The following RFXAP variants were observed in gnomAD, a reference collection of about 807,000 sequenced individuals.
RFXAP encodes regulatory factor X associated protein.
RFXAP carries 21 observed loss-of-function variants against 25.7 expected under a neutral mutation model. The observed-to-expected ratio is 0.82, with a 90% CI of 0.58 to 1.18. The LOEUF is 1.18. Ranked by LOEUF, RFXAP falls within the 50% of genes most tolerant of loss-of-function variation. The pLI, the probability that RFXAP is intolerant of heterozygous loss-of-function variation, is 0.00. For synonymous variants in RFXAP, 161 were observed against 152.2 expected (o/e 1.06, Z -0.43); for missense variants, 333 against 363.0 (o/e 0.92, Z 0.67).
rs2057984914 is a variant in RFXAP, at chr13:36,828,303, T to TTGGGTTCTC, written c.*550_*551insTGGGTTCTC. The TTGGGTTCTC allele has an allele frequency of 6.5e-6, 1 of 153,070 alleles. No homozygotes were observed. The highest frequency in any genetic ancestry group is 1.5e-5 in the Non-Finnish European group (1 of 68,758). 9.5% of individuals were successfully genotyped at this position (153,070 alleles called of 1,614,324 possible). A position where few individuals can be genotyped will look rare whatever the true frequency, so the allele number is the denominator to read the frequency against. The stretch of plus-strand genomic sequence containing the variant: ...TGCTAACATGTAGTTGGGGCACCTA[T>TTGGGTTCTC]AATTGGGTTCTCTTAATAACCTTTC... On this transcript the variant is annotated 3_prime_UTR_variant, in exon 3 of 3. Transcript: ENST00000255476.
chr13:36,827,889 T>G lies in RFXAP; in HGVS notation c.*136T>G. The G allele has an allele frequency of 1.4e-6, 1 of 715,406 alleles. No homozygotes were observed. The highest frequency in any genetic ancestry group is 2.4e-6 in the Non-Finnish European group (1 of 411,068). The allele number at this position is 715,406 out of a possible 1,614,324, so 44.3% of individuals were successfully genotyped here. ...TTTTCCTGTAAATGTATGTGTGCAT[T>G]TGGGGATAAGTAAGTATTGCACTTT... is the stretch of plus-strand genomic sequence containing the variant. On this transcript the variant is annotated 3_prime_UTR_variant, in exon 3 of 3. Coordinates refer to ENST00000255476, the MANE Select transcript of RFXAP (RefSeq NM_000538.4).
At position 36,828,624 on chromosome 13, in the gene RFXAP, T is replaced by A. The variant is rs185972673; in HGVS notation, c.*871T>A. ...AAGACAAAATTATTTTTCTTATACTTATTTTTTATTAAACAAAATGAAAAA... is the reference window on the plus strand; with the variant it reads ...AAGACAAAATTATTTTTCTTATACTAATTTTTTATTAAACAAAATGAAAAA... On this transcript the variant is annotated 3_prime_UTR_variant, in exon 3 of 3. Coordinates refer to ENST00000255476, the MANE Select transcript of RFXAP (RefSeq NM_000538.4). 4.9e-4 allele frequency: 74 copies of A among 152,338 alleles called. No homozygotes were observed. The highest frequency in any genetic ancestry group is 1.7e-3 in the African/African-American group (71 of 41,580). 9.4% of individuals were successfully genotyped at this position (152,338 alleles called of 1,614,324 possible). A position where few individuals can be genotyped will look rare whatever the true frequency, so the allele number is the denominator to read the frequency against.
intron 1 of RFXAP, among the ~76,000 whole-genome samples, chr13:36,824,328 T>C (rs2057971714): frequency 6.6e-6 from 1 of 152,170 alleles, no homozygotes; most frequent in South Asian, 2.1e-4. Context: ...CTCTGGGTAT[T>C]AGAATTTTCT....
At position 36,819,857 on chromosome 13, in the gene RFXAP, A is replaced by C; in HGVS notation, c.500A>C (p.Asn167Thr). 6.2e-7 allele frequency: 1 copy of C among 1,610,264 alleles called. No individual in the cohort carries two copies. The highest frequency in any genetic ancestry group is 8.5e-7 in the Non-Finnish European group (1 of 1,178,160). ...CCGTGGATGTGCAAGAAACACCGCA[A>C]CAAGATGTACAAGGACAAGTATAAA... The part of the protein sequence containing the change: ...RKPWMCKKHR[N>T]KMYKDKYKKK... Residue 167 changes from asparagine to threonine, a missense_variant, in exon 1 of 3, where the codon AAC becomes ACC. Physicochemically the swap from Asn to Thr is moderately conservative, Grantham distance 65. Coordinates refer to ENST00000255476, the MANE Select transcript of RFXAP (RefSeq NM_000538.4).
Position 36,819,536 on chromosome 13 carries a change from C to T in RFXAP, c.179C>T (p.Ala60Val), listed in dbSNP as rs754539841. 1.1e-5 allele frequency: 17 copies of T among 1,522,920 alleles called. No homozygotes were observed. In the South Asian group the frequency reaches 2.0e-4, roughly 18 times the overall value. The allele number at this position is 1,522,920 out of a possible 1,614,324, so 94.3% of individuals were successfully genotyped here. A position where few individuals can be genotyped will look rare whatever the true frequency, so the allele number is the denominator to read the frequency against. ...QPCAGQDEAA[A>V]PGGSVGAGKP... ...TGTGCTGGGCAGGACGAGGCTGCGG[C>T]CCCCGGGGGCAGCGTTGGGGCGGGC... The change falls in exon 1 of 3, where the codon GCC (alanine) becomes GTC (valine). Residue 60 changes from alanine (A) to valine (V), a missense_variant. Transcript: ENST00000255476.
Position 36,828,702 on chromosome 13 carries a change from G to A in RFXAP, c.*949G>A, listed in dbSNP as rs1229148403. The A allele has an allele frequency of 6.6e-6, 1 of 152,096 alleles. No homozygotes were observed. Among genetic ancestry groups the A allele is most frequent in the East Asian group, 1.9e-4 (1 of 5,200 alleles). The allele number at this position is 152,096 out of a possible 1,614,324, so 9.4% of individuals were successfully genotyped here. ...AATAAAACTAACACTCCAGTATTTTGTCATTGTTTTTCGCAATTGAGCTAT... is the reference window on the plus strand; with the variant it reads ...AATAAAACTAACACTCCAGTATTTTATCATTGTTTTTCGCAATTGAGCTAT... On this transcript the variant is annotated 3_prime_UTR_variant, in exon 3 of 3. Transcript: ENST00000255476.
In RFXAP at chr13:36,819,577, C is replaced by T; in HGVS notation, c.220C>T (p.Leu74=). The change falls in exon 1 of 3, where the codon CTG becomes TTG. Residue 74 remains leucine (L), a synonymous_variant. Coordinates refer to ENST00000255476, the MANE Select transcript of RFXAP (RefSeq NM_000538.4). ...SVGAGKPVRY[L]CEGAGDGEEE... The stretch of plus-strand genomic sequence containing the variant: ...TGGGGCGGGCAAGCCCGTTAGGTAC[C>T]TGTGCGAAGGGGCCGGGGATGGCGA... 1 of 1,531,408 alleles carries T rather than the reference C, an allele frequency of 6.5e-7. No homozygotes were observed. Among genetic ancestry groups the T allele is most frequent in the Non-Finnish European group, 8.8e-7 (1 of 1,136,310 alleles). 94.9% of individuals were successfully genotyped at this position (1,531,408 alleles called of 1,614,324 possible). A position where few individuals can be genotyped will look rare whatever the true frequency, so the allele number is the denominator to read the frequency against.
At position 36,827,789 on chromosome 13, in the gene RFXAP, CTTA is replaced by C; in HGVS notation, c.*39_*41del. The stretch of plus-strand genomic sequence containing the variant: ...CAAGAACATCTACATGGTTTTTTAT[CTTA>C]TTGTAATAGATGAGCATATTTTTTT... On this transcript the variant is annotated 3_prime_UTR_variant, in exon 3 of 3. Transcript: ENST00000255476. The C allele has an allele frequency of 6.7e-7, 1 of 1,485,594 alleles. No individual in the cohort carries two copies. Among genetic ancestry groups the C allele is most frequent in the Non-Finnish European group, 9.4e-7 (1 of 1,064,044 alleles). 92.0% of individuals were successfully genotyped at this position (1,485,594 alleles called of 1,614,324 possible).
At chr13:36,826,007 A>T (rs954952531) in intron 2 of RFXAP, among the ~76,000 whole-genome samples, 3 of 152,098 alleles carry the variant, frequency 2.0e-5, no homozygotes, top group African/African-American at 7.2e-5. Flanking sequence ...GACCCCATCT[A>T]CAAAAAAATT....
chr13:36,824,092 C>A (rs192130362), intron 1 of RFXAP, among the ~76,000 whole-genome samples: 1 of 152,240 alleles, frequency 6.6e-6, no homozygotes, highest in East Asian at 1.9e-4. Flanking sequence ...CAAGTTTGGA[C>A]TAGATGACTA....
intron 2 of RFXAP, among the ~76,000 whole-genome samples, chr13:36,825,980 T>C (rs1176855131): frequency 1.3e-5 from 2 of 152,018 alleles, no homozygotes; most frequent in African/African-American, 4.8e-5. Context: ...TTGAGACCAT[T>C]CTGGGCAACG....
intron 1 of RFXAP, 57 bp from the exon 2 acceptor site, chr13:36,825,371 A>G (rs1018840430): frequency 8.0e-7 from 1 of 1,242,514 alleles, no homozygotes; most frequent in African/African-American, 1.5e-5. Context: ...AAATACCTGT[A>G]ATCATGACTT....
intron 2 of RFXAP, among the ~76,000 whole-genome samples, chr13:36,825,814 ACCT>A (rs1371712359): frequency 6.6e-6 from 1 of 152,188 alleles, no homozygotes; most frequent in Non-Finnish European, 1.5e-5. Flanking sequence ...TTGCACAATG[ACCT>A]AGAGCAAAAA....
Position 36,819,454 on chromosome 13 carries a change from G to C in RFXAP, c.97G>C (p.Ala33Pro). 6.6e-7 allele frequency: 1 copy of C among 1,505,954 alleles called. No homozygotes were observed. The highest frequency in any genetic ancestry group is 8.9e-7 in the Non-Finnish European group (1 of 1,127,086). The allele number at this position is 1,505,954 out of a possible 1,614,324, so 93.3% of individuals were successfully genotyped here. A position where few individuals can be genotyped will look rare whatever the true frequency, so the allele number is the denominator to read the frequency against. ...AGCCCCGGCTGCGGCTCCCACCTTG[G>C]CGCCAGCCTCGGTGGCGGCCGCGGC... ...ALAPAAAPTL[A>P]PASVAAAASQ... Residue 33 changes from alanine to proline, a missense_variant, in exon 1 of 3, where the codon GCG becomes CCG. Ala to Pro is a conservative substitution (Grantham distance 27). Transcript: ENST00000255476.
At position 36,827,958 on chromosome 13, in the gene RFXAP, C is replaced by A; in HGVS notation, c.*205C>A. On this transcript the variant is annotated 3_prime_UTR_variant, in exon 3 of 3. Coordinates refer to ENST00000255476, the MANE Select transcript of RFXAP (RefSeq NM_000538.4). ...ATTACTGTGAGTTTGAAGAAGTCAG[C>A]TTATCTTTCCAAATAACATTTAATT... The A allele has an allele frequency of 1.8e-6, 1 of 550,382 alleles. No homozygotes were observed. Among genetic ancestry groups the A allele is most frequent in the Non-Finnish European group, 3.2e-6 (1 of 309,690 alleles). The allele number at this position is 550,382 out of a possible 1,614,324, so 34.1% of individuals were successfully genotyped here.
In RFXAP at chr13:36,827,987, ATGTTTTTT is replaced by A; in HGVS notation, c.*235_*242del. 1 of 488,700 alleles carries A rather than the reference ATGTTTTTT, an allele frequency of 2.0e-6. No individual in the cohort carries two copies. The highest frequency in any genetic ancestry group is 3.6e-6 in the Non-Finnish European group (1 of 275,256). 30.3% of individuals were successfully genotyped at this position (488,700 alleles called of 1,614,324 possible). A position where few individuals can be genotyped will look rare whatever the true frequency, so the allele number is the denominator to read the frequency against. On this transcript the variant is annotated 3_prime_UTR_variant, in exon 3 of 3. Transcript: ENST00000255476. ...TCTTTCCAAATAACATTTAATTATA[ATGTTTTTT>A]AAAAAATATATTCCTCTTCAGTCAT...
chr13:36,820,024 C>T, intron 1 of RFXAP, 67 bp downstream of exon 1: 1 of 1,578,158 alleles, frequency 6.3e-7, no homozygotes, highest in Non-Finnish European at 8.6e-7. Context: ...ACGCAAACCG[C>T]ATCTGCAGGG....
intron 1 of RFXAP, among the ~76,000 whole-genome samples, chr13:36,822,268 T>G (rs1350839027): frequency 6.6e-6 from 1 of 152,030 alleles, no homozygotes; most frequent in Non-Finnish European, 1.5e-5. Flanking sequence ...TTTTTGTATT[T>G]TTAGTAGAGA....
chr13:36,821,712 G>T (rs1048106504), intron 1 of RFXAP, among the ~76,000 whole-genome samples: 5 of 152,168 alleles, frequency 3.3e-5, no homozygotes, highest in African/African-American at 1.2e-4. Context: ...GCAGTTGCCA[G>T]TGTGTCATAC....
Sources: gnomAD v4.1 joint callset for allele counts (sites outside exome capture counted in the v4.1 genomes callset) on GRCh38, gnomAD v4.1.1 for gene constraint, MANE v1.5 for transcripts, NCBI Gene and HGNC (gene_info 2026-07-23, HGNC 2026-07-21) for gene names.